Variants in SLC35E2B observed in about 807,000 individuals in gnomAD.
The protein encoded by SLC35E2B is solute carrier family 35 member E2B, also known as solute carrier family 35, member E2B.
SLC35E2B carries 18 observed loss-of-function variants against 32.4 expected under a neutral mutation model. The ratio of observed to expected loss-of-function variants is 0.56; its 90% CI spans 0.38 to 0.82. SLC35E2B has a LOEUF of 0.82. Among genes scored for constraint, SLC35E2B ranks in the 40% least tolerant of loss-of-function variants. The pLI is 0.00. For missense variants in SLC35E2B, 263 were observed against 469.5 expected, an observed-to-expected ratio of 0.56 and a Z score of 4.06; for synonymous variants, 132 against 209.1, an observed-to-expected ratio of 0.63 and a Z score of 3.18.
At chr1:1,680,941 T>G (rs1163952984) in intron 2 of SLC35E2B, among the ~76,000 whole-genome samples, 6 of 151,822 alleles carry the variant, frequency 4.0e-5, no homozygotes, top group Admixed American at 6.6e-5. Flanking sequence ...TAACTGGGAT[T>G]ACAGGCGCCT....
At chr1:1,666,645 T>A (rs1052013087) in intron 9 of SLC35E2B, among the ~76,000 whole-genome samples, 1 of 151,548 alleles carries the variant, frequency 6.6e-6, no homozygotes, top group African/African-American at 2.4e-5. Flanking sequence ...CCCAGCACTG[T>A]GGGAGGCTAG....
At chr1:1,680,718 T>G (rs1294866667) in intron 2 of SLC35E2B, among the ~76,000 whole-genome samples, 1 of 151,376 alleles carries the variant, frequency 6.6e-6, no homozygotes, top group African/African-American at 2.4e-5. Flanking sequence ...TCCCCACAGC[T>G]CCAAGGCCGC....
At chr1:1,669,842 C>T (rs1408520477) in intron 7 of SLC35E2B, 106 bp from the exon 8 acceptor site, 1 of 1,204,994 alleles carries the variant, frequency 8.3e-7, no homozygotes, top group Admixed American at 2.0e-5. Flanking sequence ...AGAAGACGTT[C>T]ATTCTCTCTA....
At chr1:1,678,886 G>C (rs1457565998) in intron 2 of SLC35E2B, among the ~76,000 whole-genome samples, 1 of 152,202 alleles carries the variant, frequency 6.6e-6, no homozygotes, top group Admixed American at 6.5e-5. Context: ...GGCCCTGGCT[G>C]GGGGTGGAGC....
intron 2 of SLC35E2B, among the ~76,000 whole-genome samples, chr1:1,679,687 C>T (rs941836857): frequency 6.6e-6 from 1 of 151,030 alleles, no homozygotes; most frequent in Non-Finnish European, 1.5e-5. Flanking sequence ...AAAAAATCAG[C>T]CGGGTGTGGT....
chr1:1,670,360 G>A, intron 6 of SLC35E2B: 1 of 493,284 alleles, frequency 2.0e-6, no homozygotes, highest in Non-Finnish European at 3.6e-6. Flanking sequence ...GACCTCAAGT[G>A]ATCCACCCGC....
At chr1:1,674,260 A>C (rs1643783449) in intron 5 of SLC35E2B, 1 of 156,948 alleles carries the variant, frequency 6.4e-6, no homozygotes, top group Non-Finnish European at 1.4e-5. Flanking sequence ...AATCGGCGTG[A>C]AATGGACACA....
intron 5 of SLC35E2B, chr1:1,672,390 CCA>C (rs1643717402): frequency 6.6e-6 from 1 of 152,224 alleles, no homozygotes. Flanking sequence ...CGTGGGAAAC[CCA>C]CAGATACTGC....
Position 1,664,307 on chromosome 1 carries a change from A to G in SLC35E2B, c.*1475T>C. On this transcript the variant is annotated 3_prime_UTR_variant, in exon 10 of 10. Coordinates refer to ENST00000617444, the MANE Select transcript of SLC35E2B (RefSeq NM_001290264.2). ...TATTGCTCTGTTTCTGAATGATTTT[A>G]TCTTCAGGAGGGGCTATTTTTGTAT... 1 of 907,348 alleles carries G rather than the reference A, an allele frequency of 1.1e-6. No individual in the cohort carries two copies. Among genetic ancestry groups the G allele is most frequent in the Non-Finnish European group, 1.3e-6 (1 of 758,100 alleles). The allele number at this position is 907,348 out of a possible 1,614,324, so 56.2% of individuals were successfully genotyped here. A position where few individuals can be genotyped will look rare whatever the true frequency, so the allele number is the denominator to read the frequency against.
chr1:1,663,326 C>A lies in SLC35E2B; in HGVS notation c.*2456G>T. ...ATTCCAAGGTGCTCAGAACCAGGCGCCTGCACCTCTCCTTATGCCAGACCA... is the reference window on the plus strand; with the variant it reads ...ATTCCAAGGTGCTCAGAACCAGGCGACTGCACCTCTCCTTATGCCAGACCA... On this transcript the variant is annotated 3_prime_UTR_variant, in exon 10 of 10. Transcript: ENST00000617444. The A allele has an allele frequency of 1.0e-6, 1 of 979,892 alleles. No homozygotes were observed. Among genetic ancestry groups the A allele is most frequent in the Non-Finnish European group, 1.2e-6 (1 of 825,888 alleles). The allele number at this position is 979,892 out of a possible 1,614,324, so 60.7% of individuals were successfully genotyped here. A position where few individuals can be genotyped will look rare whatever the true frequency, so the allele number is the denominator to read the frequency against.
At chr1:1,668,915 C>T (rs898674314) in intron 8 of SLC35E2B, among the ~76,000 whole-genome samples, 3 of 150,222 alleles carry the variant, frequency 2.0e-5, no homozygotes, top group Middle Eastern at 3.4e-3. Context: ...CACTTAAACC[C>T]GGGAGGCAGA....
chr1:1,681,024 GAAGTCC>G (rs2101111357), intron 2 of SLC35E2B, among the ~76,000 whole-genome samples: 1 of 151,614 alleles, frequency 6.6e-6, no homozygotes, highest in African/African-American at 2.4e-5. Context: ...AGAGAATCCT[GAAGTCC>G]AAGTTCTCAG....
At chr1:1,685,634 G>A (rs536492846) in intron 2 of SLC35E2B, among the ~76,000 whole-genome samples, 3 of 151,986 alleles carry the variant, frequency 2.0e-5, no homozygotes, top group South Asian at 2.1e-4. Flanking sequence ...AATGGAACAC[G>A]AACACGAATG....
chr1:1,662,591 T>C lies in SLC35E2B; in HGVS notation c.*3191A>G. The C allele has an allele frequency of 1.1e-6, 1 of 884,344 alleles. No individual in the cohort carries two copies. Among genetic ancestry groups the C allele is most frequent in the Admixed American group, 6.5e-5 (1 of 15,304 alleles). The allele number at this position is 884,344 out of a possible 1,614,324, so 54.8% of individuals were successfully genotyped here. A position where few individuals can be genotyped will look rare whatever the true frequency, so the allele number is the denominator to read the frequency against. On this transcript the variant is annotated 3_prime_UTR_variant, in exon 10 of 10. Coordinates refer to ENST00000617444, the MANE Select transcript of SLC35E2B (RefSeq NM_001290264.2). The stretch of plus-strand genomic sequence containing the variant: ...TTTTTCACAAATTAAAGACACATTT[T>C]GGGTTGTGCAACAGTGTTCTCATCT...
rs573349696 is a variant in SLC35E2B at position 1,662,727 on chromosome 1, G to A, written c.*3055C>T. 1 of 747,414 alleles carries A rather than the reference G, an allele frequency of 1.3e-6. No individual in the cohort carries two copies. The highest frequency in any genetic ancestry group is 1.4e-4 in the East Asian group (1 of 7,288). 46.3% of individuals were successfully genotyped at this position (747,414 alleles called of 1,614,324 possible). A position where few individuals can be genotyped will look rare whatever the true frequency, so the allele number is the denominator to read the frequency against. On this transcript the variant is annotated 3_prime_UTR_variant, in exon 10 of 10. Coordinates refer to ENST00000617444, the MANE Select transcript of SLC35E2B (RefSeq NM_001290264.2). ...GTAGGGGAAGTTTCCTTGAAAGAGA[G>A]CTGCAAATCTCTTAAGTATCAACGT...
At chr1:1,680,789 A>G (rs1314724592) in intron 2 of SLC35E2B, among the ~76,000 whole-genome samples, 1 of 149,828 alleles carries the variant, frequency 6.7e-6, no homozygotes, top group Non-Finnish European at 1.5e-5. Context: ...TAAATGCCTG[A>G]GGCTGGCTGC....
Position 1,665,902 on chromosome 1 carries a change from G to C in SLC35E2B, c.1098C>G (p.Leu366=). 6.4e-7 allele frequency: 1 copy of C among 1,551,326 alleles called. No individual in the cohort carries two copies. Among genetic ancestry groups the C allele is most frequent in the South Asian group, 1.2e-5 (1 of 84,056 alleles). ...GCTGGTGTTGCCTGGCTTTGTTGTA[G>C]AGCAGGACCCCAACGGTCACCAGGG... is the stretch of plus-strand genomic sequence containing the variant. ...GTALVTVGVL[L]YNKARQHQQE... Residue 366 remains leucine, a synonymous_variant, in exon 10 of 10, where the codon CTC becomes CTG. Coordinates refer to ENST00000617444, the MANE Select transcript of SLC35E2B (RefSeq NM_001290264.2).
At chr1:1,678,905 G>A (rs942927100) in intron 2 of SLC35E2B, among the ~76,000 whole-genome samples, 2 of 152,126 alleles carry the variant, frequency 1.3e-5, no homozygotes, top group Non-Finnish European at 2.9e-5. Context: ...GCAGCTACCT[G>A]GCTTTCCTGA....
chr1:1,678,321 C>G (rs1365587165), intron 2 of SLC35E2B, among the ~76,000 whole-genome samples: 1 of 152,136 alleles, frequency 6.6e-6, no homozygotes, highest in Non-Finnish European at 1.5e-5. Flanking sequence ...AGGCCGGCCT[C>G]TCCCCCAGCT....
Sources: gnomAD v4.1 joint callset for allele counts (sites outside exome capture counted in the v4.1 genomes callset) on GRCh38, gnomAD v4.1.1 for gene constraint, MANE v1.5 for transcripts, NCBI Gene and HGNC (gene_info 2026-07-23, HGNC 2026-07-21) for gene names.